The following SLCO2B1 variants were observed in gnomAD, a reference collection of about 807,000 sequenced individuals.
SLCO2B1 encodes the protein solute carrier organic anion transporter family member 2B1.
In SLCO2B1, 41 loss-of-function variants were observed where a neutral mutation model predicts 67.3. The ratio of observed to expected loss-of-function variants is 0.61; its 90% CI spans 0.47 to 0.79. The LOEUF (loss-of-function observed/expected upper bound fraction) is 0.79. Among genes scored for constraint, SLCO2B1 ranks in the 30% least tolerant of loss-of-function variants. The pLI is 0.00. For missense variants in SLCO2B1, 837 were observed against 920.1 expected, an observed-to-expected ratio of 0.91 and a Z score of 1.17; for synonymous variants, 379 against 381.4, an observed-to-expected ratio of 0.99 and a Z score of 0.07.
At chr11:75,191,004 G>A (rs1945015307) in intron 8 of SLCO2B1, among the ~76,000 whole-genome samples, 1 of 152,198 alleles carries the variant, frequency 6.6e-6, no homozygotes, top group Admixed American at 6.5e-5. Flanking sequence ...ATCTATTCCG[G>A]TGCCATGCTG....
chr11:75,191,957 T>A (rs1174938457), intron 8 of SLCO2B1, among the ~76,000 whole-genome samples: 1 of 152,192 alleles, frequency 6.6e-6, no homozygotes, highest in Non-Finnish European at 1.5e-5. Context: ...GGGCAACCTG[T>A]GAATGAGGCA....
chr11:75,174,687 G>GA (rs1182957910), intron 7 of SLCO2B1, among the ~76,000 whole-genome samples: 3 of 152,222 alleles, frequency 2.0e-5, no homozygotes, highest in Non-Finnish European at 2.9e-5. Context: ...TCGAGAAGAT[G>GA]AAATTCCTAG....
chr11:75,196,745 T>G (rs1482519612), intron 10 of SLCO2B1, 66 bp downstream of exon 10: 1 of 1,418,694 alleles, frequency 7.0e-7, no homozygotes, highest in Non-Finnish European at 9.7e-7. Flanking sequence ...TCTGTGGGCC[T>G]GTCATACTCT....
intron 7 of SLCO2B1, among the ~76,000 whole-genome samples, chr11:75,184,109 C>T (rs889656443): frequency 1.2e-4 from 19 of 152,162 alleles, no homozygotes; most frequent in African/African-American, 4.3e-4. Context: ...AACTCCCTGG[C>T]GGCATGATGG....
rs750063518 is a variant in SLCO2B1, at chr11:75,193,580, G to A, written c.1433+5G>A. On this transcript the variant is annotated splice_donor_5th_base_variant and intron_variant, in intron 9 of 13. Coordinates refer to ENST00000289575, the MANE Select transcript of SLCO2B1 (RefSeq NM_007256.5). The surrounding 1 kb of genome is among the most constrained non-coding windows in gnomAD (Gnocchi z 4.2). ...GGGCATCACACACCAGACCAGGTGA[G>A]TGTGTGCGTGGGCACGTAAAGGCAA... The A allele has an allele frequency of 5.9e-6, 9 of 1,535,324 alleles. No individual in the cohort carries two copies. The South Asian group carries it at 1.0e-4, about 17-fold the overall frequency.
chr11:75,188,212 A>C lies in SLCO2B1; in HGVS notation c.1049A>C (p.Asn350Thr), dbSNP rs147131265. Reference sequence around the variant, plus strand: ...GATGGCCTAGTCCAGATTGCACCAAACCTGACTGTGATCCAGTTCATTAAA... The same window carrying C: ...GATGGCCTAGTCCAGATTGCACCAACCCTGACTGTGATCCAGTTCATTAAA... The part of the protein sequence containing the change: ...KQDGLVQIAP[N>T]LTVIQFIKVF... The change falls in exon 8 of 14, where the codon AAC becomes ACC. Residue 350 changes from asparagine to threonine, a missense_variant. Asn to Thr is a moderately conservative substitution (Grantham distance 65). Transcript: ENST00000289575. 279 of 1,613,710 alleles carry C rather than the reference A, an allele frequency of 1.7e-4. No homozygotes were observed. The highest frequency in any genetic ancestry group is 2.2e-4 in the Admixed American group (13 of 59,998).
chr11:75,180,079 G>T (rs548570084), intron 7 of SLCO2B1, among the ~76,000 whole-genome samples: 2 of 151,576 alleles, frequency 1.3e-5, no homozygotes, highest in East Asian at 1.9e-4. Flanking sequence ...GTGCAGTAGC[G>T]CAATCTTGGC....
Position 75,165,769 on chromosome 11 carries a change from C to A in SLCO2B1, c.286-18C>A. The stretch of plus-strand genomic sequence containing the variant: ...TGGGAACTGTTCCACCTTAATGGGT[C>A]ACCTCGTCCTTTTGCAGGTGGGGAA... On this transcript the variant is annotated intron_variant, in intron 3 of 13. Transcript: ENST00000289575. 6.2e-7 allele frequency: 1 copy of A among 1,613,374 alleles called. No individual in the cohort carries two copies. The highest frequency in any genetic ancestry group is 1.1e-5 in the South Asian group (1 of 90,966).
chr11:75,166,989 C>A (rs1241124705), intron 4 of SLCO2B1, among the ~76,000 whole-genome samples: 3 of 152,314 alleles, frequency 2.0e-5, no homozygotes, highest in South Asian at 4.1e-4. Context: ...CAGACATGAC[C>A]CAGTGGGGCG....
intron 9 of SLCO2B1, among the ~76,000 whole-genome samples, chr11:75,195,693 G>A (rs889915580): frequency 2.0e-5 from 3 of 152,286 alleles, no homozygotes; most frequent in East Asian, 1.9e-4. Flanking sequence ...TCCAGCTTCC[G>A]CCTTTGGCCT....
rs550961965 is a variant in SLCO2B1 at position 75,156,343 on chromosome 11, G to A, written c.16+4946G>A. The stretch of plus-strand genomic sequence containing the variant: ...ACATAAGTAATGCAAGAGAGTGACC[G>A]GCAGAAATTGGCCTGGGAGTGGGGT... On this transcript the variant is annotated intron_variant, in intron 1 of 13. Transcript: ENST00000289575. Among the ~76,000 whole-genome samples the A allele has an allele frequency of 2.4e-4, 37 of 152,214 alleles. No individual in the cohort carries two copies. The East Asian group carries it at 4.8e-3, about 20-fold the overall frequency.
At chr11:75,152,974 T>C (rs1308064740) in intron 1 of SLCO2B1, among the ~76,000 whole-genome samples, 1 of 151,980 alleles carries the variant, frequency 6.6e-6, no homozygotes, top group African/African-American at 2.4e-5. Flanking sequence ...AGGAGTGAAG[T>C]TCAGATCCGG....
intron 7 of SLCO2B1, among the ~76,000 whole-genome samples, chr11:75,186,349 C>T (rs1046482385): frequency 5.3e-5 from 8 of 152,054 alleles, no homozygotes; most frequent in African/African-American, 1.9e-4. Context: ...GCTGGGATTA[C>T]AGGCATGAGC....
intron 2 of SLCO2B1, among the ~76,000 whole-genome samples, chr11:75,163,359 T>C (rs1453964268): frequency 1.3e-5 from 2 of 152,178 alleles, no homozygotes; most frequent in Non-Finnish European, 2.9e-5. Context: ...GGAATTCTCT[T>C]AGAGTTTCAG....
chr11:75,182,701 C>A (rs111746471), intron 7 of SLCO2B1, among the ~76,000 whole-genome samples: 206 of 151,936 alleles, frequency 1.4e-3, no homozygotes, highest in African/African-American at 4.8e-3. Flanking sequence ...GAGATTGCAC[C>A]ACTGCACTCC....
At chr11:75,161,080 G>A (rs1255819372) in intron 1 of SLCO2B1, among the ~76,000 whole-genome samples, 1 of 152,156 alleles carries the variant, frequency 6.6e-6, no homozygotes, top group Non-Finnish European at 1.5e-5. Context: ...TCCGCTCCTA[G>A]GTGTACACCC....
intron 4 of SLCO2B1, among the ~76,000 whole-genome samples, chr11:75,168,568 C>A (rs1248677651): frequency 6.6e-6 from 1 of 152,212 alleles, no homozygotes; most frequent in African/African-American, 2.4e-5. Flanking sequence ...CCCAAGCTGA[C>A]ACTGAACCCT....
At chr11:75,159,475 G>T (rs1046338666) in intron 1 of SLCO2B1, among the ~76,000 whole-genome samples, 3 of 152,186 alleles carry the variant, frequency 2.0e-5, no homozygotes, top group Non-Finnish European at 2.9e-5. Context: ...CCTGACAAAG[G>T]CCCCACAGCA....
intron 4 of SLCO2B1, among the ~76,000 whole-genome samples, chr11:75,168,461 G>A (rs1949919410): frequency 6.6e-6 from 1 of 152,106 alleles, no homozygotes; most frequent in South Asian, 2.1e-4. Flanking sequence ...ATAGTGTGAG[G>A]GTCTCCTCAA....
Sources: gnomAD v4.1 joint callset for allele counts (sites outside exome capture counted in the v4.1 genomes callset) on GRCh38, gnomAD v4.1.1 for gene constraint, Gnocchi (gnomAD v3.1) non-coding constraint, MANE v1.5 for transcripts, NCBI Gene and HGNC (gene_info 2026-07-23, HGNC 2026-07-21) for gene names.